Variants in HLCS observed in about 807,000 individuals in gnomAD.
The protein encoded by HLCS is holocarboxylase synthetase.
Under a neutral mutation model 75.0 loss-of-function variants are expected in HLCS, and 53 were observed. The observed-to-expected ratio is 0.71, with a 90% CI of 0.57 to 0.89. The LOEUF (loss-of-function observed/expected upper bound fraction) is 0.89, where lower values mean the gene tolerates loss of function less well. Among genes scored for constraint, HLCS ranks in the 40% least tolerant of loss-of-function variants. HLCS has a pLI of 0.00. For synonymous variants in HLCS, 431 were observed against 428.6 expected (o/e 1.01, Z -0.07); for missense variants, 966 against 1,074.0 (o/e 0.90, Z 1.41).
intron 8 of HLCS, among the ~76,000 whole-genome samples, chr21:36,763,627 G>A (rs891283018): frequency 6.6e-6 from 1 of 152,162 alleles, no homozygotes; most frequent in African/African-American, 2.4e-5. Flanking sequence ...TGAGAGTCAC[G>A]CTCTTAACAT....
At chr21:36,983,633 C>G (rs931524187) in intron 1 of HLCS, among the ~76,000 whole-genome samples, 1 of 151,156 alleles carries the variant, frequency 6.6e-6, no homozygotes, top group East Asian at 2.0e-4. Context: ...GTCAGGAGAT[C>G]GAGACCATCC....
At chr21:36,849,480 G>A (rs927211797) in intron 6 of HLCS, among the ~76,000 whole-genome samples, 1 of 152,226 alleles carries the variant, frequency 6.6e-6, no homozygotes, top group African/African-American at 2.4e-5. Flanking sequence ...TCTGCGGGTA[G>A]AAAAGGAGCC....
chr21:36,795,322 G>C (rs1436457825), intron 6 of HLCS, among the ~76,000 whole-genome samples: 1 of 152,206 alleles, frequency 6.6e-6, no homozygotes, highest in African/African-American at 2.4e-5. Flanking sequence ...CCAGCATCTA[G>C]GTCCCACAGA....
intron 6 of HLCS, among the ~76,000 whole-genome samples, chr21:36,827,118 G>C (rs7283871): frequency 0.12 from 17,849 of 152,102 alleles, 1,812 homozygotes; most frequent in African/African-American, 0.27. Flanking sequence ...CTTGCTGGCA[G>C]GCTGGGAAAT....
intron 5 of HLCS, among the ~76,000 whole-genome samples, chr21:36,927,630 T>C (rs1007873088): frequency 1.3e-5 from 2 of 152,234 alleles, no homozygotes; most frequent in Non-Finnish European, 2.9e-5. Flanking sequence ...ATGAATATTA[T>C]TAACTGGGAC....
At chr21:36,979,527 T>C (rs531609629) in intron 1 of HLCS, among the ~76,000 whole-genome samples, 3 of 152,306 alleles carry the variant, frequency 2.0e-5, no homozygotes, top group African/African-American at 7.2e-5. Context: ...CCTCTGTTGA[T>C]ACACCTTGCT....
At chr21:36,863,042 C>A (rs567489557) in intron 6 of HLCS, among the ~76,000 whole-genome samples, 1 of 151,194 alleles carries the variant, frequency 6.6e-6, no homozygotes, top group Non-Finnish European at 1.5e-5. Context: ...GGGACTACAT[C>A]GCGCCACTGA....
intron 6 of HLCS, among the ~76,000 whole-genome samples, chr21:36,851,589 G>A (rs952675085): frequency 3.3e-5 from 5 of 151,880 alleles, no homozygotes; most frequent in African/African-American, 1.2e-4. Flanking sequence ...TAGAAAGAAT[G>A]GAAAAAACCT....
At chr21:36,887,798 G>A (rs773074351) in intron 6 of HLCS, among the ~76,000 whole-genome samples, 6 of 152,036 alleles carry the variant, frequency 3.9e-5, no homozygotes, top group East Asian at 1.9e-4. Context: ...TCACAATTAC[G>A]CTAATATCCC....
At position 36,748,821 on chromosome 21, in the gene HLCS, T is replaced by C. The variant is rs1020782420; in HGVS notation, c.*5425A>G. 1.3e-5 allele frequency: 2 copies of C among 152,714 alleles called. No individual in the cohort carries two copies. Among genetic ancestry groups the C allele is most frequent in the Non-Finnish European group, 2.9e-5 (2 of 68,034 alleles). 9.5% of individuals were successfully genotyped at this position (152,714 alleles called of 1,614,324 possible). A position where few individuals can be genotyped will look rare whatever the true frequency, so the allele number is the denominator to read the frequency against. On this transcript the variant is annotated 3_prime_UTR_variant, in exon 11 of 11. Coordinates refer to ENST00000674895, the MANE Select transcript of HLCS (RefSeq NM_001352514.2). ...CCAAGAGTAGCACCTTCAGAATATATTGAATAGGCATTAAATGCAAAAATA... is the reference window on the plus strand; with the variant it reads ...CCAAGAGTAGCACCTTCAGAATATACTGAATAGGCATTAAATGCAAAAATA...
intron 6 of HLCS, among the ~76,000 whole-genome samples, chr21:36,777,564 C>T (rs965453455): frequency 1.3e-5 from 2 of 152,258 alleles, no homozygotes; most frequent in African/African-American, 2.4e-5. Flanking sequence ...TGAGCTGTCA[C>T]GGCTTCTTCG....
intron 5 of HLCS, among the ~76,000 whole-genome samples, chr21:36,921,987 TTAAA>T (rs772736049): frequency 6.6e-5 from 10 of 152,322 alleles, no homozygotes; most frequent in Non-Finnish European, 1.0e-4. Flanking sequence ...ACATATGCAC[TTAAA>T]TAAATAAATA....
At chr21:36,879,863 T>C (rs1021640866) in intron 6 of HLCS, among the ~76,000 whole-genome samples, 3 of 150,554 alleles carry the variant, frequency 2.0e-5, no homozygotes, top group Admixed American at 2.0e-4. Context: ...TGAGCCGAGA[T>C]TGCACCACTA....
chr21:36,924,736 C>T (rs777560380), intron 5 of HLCS, among the ~76,000 whole-genome samples: 6 of 152,078 alleles, frequency 3.9e-5, no homozygotes, highest in Non-Finnish European at 7.4e-5. Flanking sequence ...AGAACGCATG[C>T]CACAAAGACG....
At chr21:36,985,463 T>G in intron 1 of HLCS, among the ~76,000 whole-genome samples, 1 of 150,292 alleles carries the variant, frequency 6.7e-6, no homozygotes, top group African/African-American at 2.5e-5. Flanking sequence ...TGAAACCCCG[T>G]CTCTACTAAA....
At chr21:36,830,097 A>T (rs1488060339) in intron 6 of HLCS, among the ~76,000 whole-genome samples, 1 of 152,166 alleles carries the variant, frequency 6.6e-6, no homozygotes, top group Non-Finnish European at 1.5e-5. Flanking sequence ...AGGACATTTG[A>T]ACACAGACAC....
intron 6 of HLCS, among the ~76,000 whole-genome samples, chr21:36,855,260 G>C (rs886371466): frequency 6.6e-6 from 1 of 152,062 alleles, no homozygotes; most frequent in Non-Finnish European, 1.5e-5. Flanking sequence ...GCCACGCATG[G>C]TGGCTCACGC....
At chr21:36,791,009 C>A (rs1235995828) in intron 6 of HLCS, among the ~76,000 whole-genome samples, 1 of 152,188 alleles carries the variant, frequency 6.6e-6, no homozygotes. Flanking sequence ...ATGATAGATG[C>A]AGGGGTGCCT....
chr21:36,790,975 G>C (rs1444653429), intron 6 of HLCS, among the ~76,000 whole-genome samples: 1 of 152,220 alleles, frequency 6.6e-6, no homozygotes, highest in African/African-American at 2.4e-5. Flanking sequence ...AGGACAATGT[G>C]CTTTGTAAAC....
Sources: allele counts gnomAD v4.1 joint callset (sites outside exome capture counted in the v4.1 genomes callset), GRCh38; gene constraint gnomAD v4.1.1; transcripts MANE v1.5; gene names NCBI Gene and HGNC (gene_info 2026-07-23, HGNC 2026-07-21).